The following PPP6R3 variants were observed in gnomAD, a reference collection of about 807,000 sequenced individuals.
PPP6R3 encodes the protein serine/threonine-protein phosphatase 6 regulatory subunit 3.
PPP6R3 carries 38 observed loss-of-function variants against 110.7 expected under a neutral mutation model. The observed-to-expected ratio is 0.34, with a 90% CI of 0.26 to 0.45. PPP6R3 has a LOEUF of 0.45. PPP6R3 is among the 20% of genes least tolerant of loss of function. The probability of loss-of-function intolerance (pLI) is 1.00; values close to 1 mark genes in which losing one functional copy is unlikely to be tolerated. For synonymous variants in PPP6R3, 369 were observed against 373.5 expected, an observed-to-expected ratio of 0.99 and a Z score of 0.14; for missense variants, 870 against 1,062.4, an observed-to-expected ratio of 0.82 and a Z score of 2.52.
At chr11:68,571,281 T>G (rs1456039305) in intron 12 of PPP6R3, 177 bp downstream of exon 12, 3 of 933,284 alleles carry the variant, frequency 3.2e-6, no homozygotes, top group Non-Finnish European at 4.4e-6. Flanking sequence ...TACTAATAAT[T>G]TCTTGTTAGG....
At chr11:68,461,319 C>G (rs558130788) in intron 1 of PPP6R3, among the ~76,000 whole-genome samples, 4 of 152,160 alleles carry the variant, frequency 2.6e-5, no homozygotes, top group East Asian at 1.9e-4. Flanking sequence ...TTGTTGGACT[C>G]TGCTCTTCGG....
At chr11:68,612,724 C>T (rs1944203083) in intron 23 of PPP6R3, among the ~76,000 whole-genome samples, 1 of 152,014 alleles carries the variant, frequency 6.6e-6, no homozygotes, top group Non-Finnish European at 1.5e-5. Flanking sequence ...GAGCGGTGAA[C>T]ACATAGCTCC....
intron 16 of PPP6R3, among the ~76,000 whole-genome samples, chr11:68,589,761 G>A (rs532658315): frequency 1.3e-5 from 2 of 152,370 alleles, no homozygotes; most frequent in African/African-American, 4.8e-5. Context: ...TTTGCAGTAT[G>A]TGAGAAGCTA....
intron 1 of PPP6R3, among the ~76,000 whole-genome samples, chr11:68,461,293 A>G (rs1591381651): frequency 6.6e-6 from 1 of 152,098 alleles, no homozygotes; most frequent in Non-Finnish European, 1.5e-5. Context: ...CTCGCCGTCA[A>G]GAGTCGCGAA....
At chr11:68,528,724 C>G (rs1162568562) in intron 2 of PPP6R3, among the ~76,000 whole-genome samples, 2 of 152,176 alleles carry the variant, frequency 1.3e-5, no homozygotes, top group Non-Finnish European at 2.9e-5. Flanking sequence ...AGACACTTTC[C>G]TCCCTGGCCC....
intron 1 of PPP6R3, among the ~76,000 whole-genome samples, chr11:68,509,470 ATTTTTTTT>A (rs34228704): frequency 6.0e-5 from 7 of 116,474 alleles, no homozygotes; most frequent in Admixed American, 1.8e-4. Context: ...TTACTTCTCT[ATTTTTTTT>A]TTTTTTTTTT....
At chr11:68,490,006 A>G (rs1478632143) in intron 1 of PPP6R3, among the ~76,000 whole-genome samples, 2 of 152,182 alleles carry the variant, frequency 1.3e-5, no homozygotes, top group African/African-American at 2.4e-5. Context: ...TGAACAAACT[A>G]CTTTTAATTA....
At chr11:68,592,593 C>G (rs1192035274) in intron 18 of PPP6R3, among the ~76,000 whole-genome samples, 1 of 152,160 alleles carries the variant, frequency 6.6e-6, no homozygotes, top group African/African-American at 2.4e-5. Flanking sequence ...TTTGTCTCTA[C>G]AGTCCAGAGT....
intron 1 of PPP6R3, among the ~76,000 whole-genome samples, chr11:68,505,573 A>G (rs2099071759): frequency 6.6e-6 from 1 of 152,186 alleles, no homozygotes; most frequent in Admixed American, 6.5e-5. Flanking sequence ...AGAACTTTGT[A>G]TTAGGTTGGT....
chr11:68,551,451 T>C (rs1281646566), intron 6 of PPP6R3, among the ~76,000 whole-genome samples: 1 of 152,224 alleles, frequency 6.6e-6, no homozygotes, highest in African/African-American at 2.4e-5. Context: ...CTGAACCAGC[T>C]GGTTTTTGTA....
chr11:68,571,704 A>G (rs2099508238), intron 12 of PPP6R3, among the ~76,000 whole-genome samples: 1 of 152,204 alleles, frequency 6.6e-6, no homozygotes, highest in Non-Finnish European at 1.5e-5. Flanking sequence ...CACCCCGTAG[A>G]TTCTGAAGCA....
At chr11:68,466,984 G>A (rs911085605) in intron 1 of PPP6R3, among the ~76,000 whole-genome samples, 4 of 152,140 alleles carry the variant, frequency 2.6e-5, no homozygotes, top group South Asian at 2.1e-4. Context: ...TTAGTGAGCC[G>A]CCCGCCTTGG....
chr11:68,499,324 C>G (rs894827127), intron 1 of PPP6R3, among the ~76,000 whole-genome samples: 1 of 152,090 alleles, frequency 6.6e-6, no homozygotes, highest in African/African-American at 2.4e-5. Flanking sequence ...TAAGGTGGCT[C>G]ATTTACATGC....
rs1944535046 is a variant in PPP6R3 at position 68,613,624 on chromosome 11, T to G, written c.*507T>G. On this transcript the variant is annotated 3_prime_UTR_variant, in exon 24 of 24. Coordinates refer to ENST00000393800, the MANE Select transcript of PPP6R3 (RefSeq NM_001164161.2). ...TGCCCTCTAAGTGTTATTTTGGTTG[T>G]TCTAACTTACAAAAGTGATTTTGAA... 1 of 985,894 alleles carries G rather than the reference T, an allele frequency of 1.0e-6. No individual in the cohort carries two copies. The highest frequency in any genetic ancestry group is 1.2e-6 in the Non-Finnish European group (1 of 829,986). 61.1% of individuals were successfully genotyped at this position (985,894 alleles called of 1,614,324 possible). A position where few individuals can be genotyped will look rare whatever the true frequency, so the allele number is the denominator to read the frequency against.
intron 15 of PPP6R3, among the ~76,000 whole-genome samples, chr11:68,585,789 G>A (rs1234597913): frequency 6.6e-6 from 1 of 152,196 alleles, no homozygotes; most frequent in Non-Finnish European, 1.5e-5. Context: ...TATCTCTCCA[G>A]ATGGATGAAT....
intron 1 of PPP6R3, among the ~76,000 whole-genome samples, chr11:68,461,652 A>T (rs2098708755): frequency 6.6e-6 from 1 of 151,126 alleles, no homozygotes; most frequent in Admixed American, 6.6e-5. Flanking sequence ...CTTTGGATGT[A>T]CCTCCGTGCC....
intron 12 of PPP6R3, among the ~76,000 whole-genome samples, chr11:68,573,850 G>A (rs954861217): frequency 3.9e-5 from 6 of 152,118 alleles, no homozygotes; most frequent in African/African-American, 1.2e-4. Context: ...GATGATTTTT[G>A]AGATTCGAAT....
At position 68,544,996 on chromosome 11, in the gene PPP6R3, G is replaced by T; in HGVS notation, c.386G>T (p.Ser129Ile). ...LLASFFSKVL[S>I]ILISRKPEQI... Reference sequence around the variant, plus strand: ...GCCAGTTTCTTCAGCAAGGTGCTAAGTATTCTTATCAGCAGAAAACCAGAA... The same window carrying T: ...GCCAGTTTCTTCAGCAAGGTGCTAATTATTCTTATCAGCAGAAAACCAGAA... The change falls in exon 4 of 24, where the codon AGT (serine) becomes ATT (isoleucine). Residue 129 changes from serine (S) to isoleucine (I), a missense_variant. Ser to Ile is a moderately radical substitution (Grantham distance 142). Transcript: ENST00000393800. The T allele has an allele frequency of 6.2e-7, 1 of 1,609,018 alleles. No individual in the cohort carries two copies. The highest frequency in any genetic ancestry group is 2.2e-5 in the East Asian group (1 of 44,800).
chr11:68,597,007 CTTCT>C (rs1764864332), intron 19 of PPP6R3, among the ~76,000 whole-genome samples: 4 of 152,190 alleles, frequency 2.6e-5, no homozygotes, highest in Admixed American at 2.6e-4. Flanking sequence ...GAAGAGAGAT[CTTCT>C]TTCTGCTGCC....
Sources: gnomAD v4.1 joint callset for allele counts (sites outside exome capture counted in the v4.1 genomes callset) on GRCh38, gnomAD v4.1.1 for gene constraint, MANE v1.5 for transcripts, NCBI Gene and HGNC (gene_info 2026-07-23, HGNC 2026-07-21) for gene names.